The following TP63 variants were observed in gnomAD, a reference collection of about 807,000 sequenced individuals.
The protein encoded by TP63 is tumor protein p63.
TP63 carries 17 observed loss-of-function variants against 82.8 expected under a neutral mutation model. The observed-to-expected ratio is 0.21, with a 90% confidence interval of 0.14 to 0.31. The LOEUF (loss-of-function observed/expected upper bound fraction) is 0.31, where lower values mean the gene tolerates loss of function less well. Among genes scored for constraint, TP63 ranks in the 10% least tolerant of loss-of-function variants. The pLI, the probability that TP63 is intolerant of heterozygous loss-of-function variation, is 1.00. For synonymous variants in TP63, 330 were observed against 321.7 expected (o/e 1.03, Z -0.28); for missense variants, 648 against 895.3 (o/e 0.72, Z 3.52).
intron 4 of TP63, among the ~76,000 whole-genome samples, chr3:189,864,027 A>G (rs1443123032): frequency 2.0e-5 from 3 of 152,332 alleles, no homozygotes; most frequent in African/African-American, 7.2e-5. Flanking sequence ...TTTTGTAAAC[A>G]TGGGGTTTTA....
At chr3:189,776,606 G>A (rs1327476802) in intron 3 of TP63, among the ~76,000 whole-genome samples, 3 of 152,174 alleles carry the variant, frequency 2.0e-5, no homozygotes, top group Non-Finnish European at 4.4e-5. Context: ...CAAAGCTAGG[G>A]ATCTGTTAGG....
Position 189,697,218 on chromosome 3 carries a change from G to A in TP63, c.63-40522G>A, listed in dbSNP as rs562486642. The stretch of plus-strand genomic sequence containing the variant: ...TTAATTTTTGTGAAAGATGTAAGGT[G>A]TATGTCTAGGTTCAGTTTTTTTTTT... On this transcript the variant is annotated intron_variant, in intron 1 of 13. Coordinates refer to ENST00000264731, the MANE Select transcript of TP63 (RefSeq NM_003722.5). Among the ~76,000 whole-genome samples, 4 of 133,878 alleles carry A rather than the reference G, an allele frequency of 3.0e-5. No individual in the cohort carries two copies. In the South Asian group the frequency reaches 7.3e-4, roughly 24 times the overall value. The allele number at this position is 133,878 out of a possible 152,430, so 87.8% of individuals were successfully genotyped here. A position where few individuals can be genotyped will look rare whatever the true frequency, so the allele number is the denominator to read the frequency against.
chr3:189,862,058 T>G (rs75015787), intron 4 of TP63, among the ~76,000 whole-genome samples: 6,084 of 152,262 alleles, frequency 0.04, 420 homozygotes, highest in African/African-American at 0.14. Context: ...TCGTAGTCAT[T>G]TATCAGTTAG....
At chr3:189,642,288 T>C (rs887848134) in intron 1 of TP63, among the ~76,000 whole-genome samples, 31 of 152,208 alleles carry the variant, frequency 2.0e-4, no homozygotes, top group African/African-American at 6.5e-4. Context: ...TGATTTTGTA[T>C]TTTTACAAAA....
intron 3 of TP63, among the ~76,000 whole-genome samples, chr3:189,766,546 C>T (rs1722973786): frequency 6.6e-6 from 1 of 152,100 alleles, no homozygotes; most frequent in South Asian, 2.1e-4. Flanking sequence ...TCTCCTGTTC[C>T]TTTCTCTAAC....
chr3:189,728,535 A>G (rs766040171), intron 1 of TP63, among the ~76,000 whole-genome samples: 1 of 152,208 alleles, frequency 6.6e-6, no homozygotes, highest in Non-Finnish European at 1.5e-5. Context: ...GTCAATCTGT[A>G]AGGGCTCAAG....
At chr3:189,739,850 T>C (rs1203255856) in intron 3 of TP63, among the ~76,000 whole-genome samples, 2 of 152,004 alleles carry the variant, frequency 1.3e-5, no homozygotes, top group African/African-American at 4.8e-5. Context: ...ATCAAAAATT[T>C]CTAGAAAACT....
At chr3:189,721,978 GC>G (rs1453751525) in intron 1 of TP63, among the ~76,000 whole-genome samples, 1 of 152,188 alleles carries the variant, frequency 6.6e-6, no homozygotes, top group Non-Finnish European at 1.5e-5. Context: ...GAAGGTTTAA[GC>G]CTGGAATTAA....
At chr3:189,677,265 TACAC>T (rs757980197) in intron 1 of TP63, among the ~76,000 whole-genome samples, 1 of 148,702 alleles carries the variant, frequency 6.7e-6, no homozygotes, top group East Asian at 2.0e-4. Flanking sequence ...CATATAGATA[TACAC>T]ACACACACAG....
chr3:189,607,111 CAAAATTTCAATATCATGAAATGT>C, the TP63 span, among the ~76,000 whole-genome samples: 65,728 of 151,844 alleles, frequency 0.43, 15,025 homozygotes, highest in East Asian at 0.68. Context: ...AAGGGTTCTT[CAAAATTTCAATATCATGAAATGT>C]AAGGAAAGTC....
At chr3:189,890,192 TC>T (rs1321830120) in intron 12 of TP63, among the ~76,000 whole-genome samples, 17 of 152,172 alleles carry the variant, frequency 1.1e-4, no homozygotes, top group Admixed American at 1.0e-3. Context: ...GCTACGTCAA[TC>T]ACAGGGATGG....
the TP63 span, among the ~76,000 whole-genome samples, chr3:189,612,914 G>T: frequency 6.6e-6 from 1 of 152,146 alleles, no homozygotes; most frequent in African/African-American, 2.4e-5. Context: ...TAGGGTATTT[G>T]GCAGAAGAAA....
chr3:189,605,579 A>G, the TP63 span, among the ~76,000 whole-genome samples: 1,160 of 152,320 alleles, frequency 7.6e-3, 15 homozygotes, highest in African/African-American at 0.025. Flanking sequence ...CTAAGCCGCA[A>G]TATAGATTCT....
At chr3:189,784,183 G>A (rs1032742002) in intron 3 of TP63, among the ~76,000 whole-genome samples, 1 of 151,868 alleles carries the variant, frequency 6.6e-6, no homozygotes, top group Non-Finnish European at 1.5e-5. Flanking sequence ...ACAATATGAG[G>A]AGAGATTATC....
intron 4 of TP63, among the ~76,000 whole-genome samples, chr3:189,841,968 G>A (rs2138244): frequency 0.68 from 104,014 of 152,034 alleles, 37,032 homozygotes; most frequent in Non-Finnish European, 0.79. Context: ...TTGTAGAAGC[G>A]TGACTTCTTG....
rs905251242 is a variant in TP63 at position 189,869,158 on chromosome 3, G to C, written c.1130-166G>C. On this transcript the variant is annotated intron_variant, in intron 8 of 13. Coordinates refer to ENST00000264731, the MANE Select transcript of TP63 (RefSeq NM_003722.5). ...AACAATTGTCCCCAGTTAAATGGAC[G>C]CTTAGGGCTAGAGCCTCTAATCTTA... 5.3e-5 allele frequency among the ~76,000 whole-genome samples: 8 copies of C among 152,288 alleles called. No individual in the cohort carries two copies. In the South Asian group the frequency reaches 1.7e-3, roughly 32 times the overall value.
chr3:189,844,986 T>C (rs1714678979), intron 4 of TP63, among the ~76,000 whole-genome samples: 1 of 152,196 alleles, frequency 6.6e-6, no homozygotes, highest in African/African-American at 2.4e-5. Flanking sequence ...CAGTTCTAAT[T>C]ATTGATTTCA....
At chr3:189,785,539 G>A (rs546662248) in intron 3 of TP63, among the ~76,000 whole-genome samples, 4 of 152,066 alleles carry the variant, frequency 2.6e-5, no homozygotes, top group African/African-American at 7.2e-5. Context: ...TTCTCACATC[G>A]GTAGGCTTTA....
intron 4 of TP63, among the ~76,000 whole-genome samples, chr3:189,809,259 C>A (rs889355157): frequency 6.6e-6 from 1 of 152,042 alleles, no homozygotes; most frequent in Non-Finnish European, 1.5e-5. Context: ...ATGGAATTTT[C>A]TTTTCATAAA....
Sources: allele counts gnomAD v4.1 joint callset (sites outside exome capture counted in the v4.1 genomes callset), GRCh38; gene constraint gnomAD v4.1.1; transcripts MANE v1.5; gene names NCBI Gene and HGNC (gene_info 2026-07-23, HGNC 2026-07-21).